Variants in BORCS5 observed in about 807,000 individuals in gnomAD.
BORCS5 encodes the protein BLOC-1 related complex subunit 5.
A neutral mutation model predicts 22.1 loss-of-function variants in BORCS5; 17 were observed. The ratio of observed to expected loss-of-function variants is 0.77; its 90% CI spans 0.53 to 1.15. BORCS5 has a LOEUF of 1.15. BORCS5 is among the 50% of genes most tolerant of loss of function. The pLI, the probability that BORCS5 is intolerant of heterozygous loss-of-function variation, is 0.00. For synonymous variants in BORCS5, 117 were observed against 99.8 expected (o/e 1.17, Z -1.03); for missense variants, 247 against 253.2 (o/e 0.98, Z 0.17).
intron 2 of BORCS5, among the ~76,000 whole-genome samples, chr12:12,366,389 ATTCT>A (rs773256266): frequency 1.2e-4 from 19 of 152,344 alleles, no homozygotes; most frequent in Admixed American, 4.6e-4. Context: ...AAGCAAGCAG[ATTCT>A]TTCTTTGGCC....
chr12:12,413,712 A>G (rs1470590683), intron 2 of BORCS5, among the ~76,000 whole-genome samples: 3 of 90,550 alleles, frequency 3.3e-5, no homozygotes, highest in South Asian at 7.7e-4. Context: ...CGGGGGGCTG[A>G]CCCCCCCACC....
Position 12,465,756 on chromosome 12 carries a change from G to T in BORCS5, c.571G>T (p.Asp191Tyr), listed in dbSNP as rs3751262. ...GCTGGAGCCCTTCAGCATGAAGCCC[G>T]ACCGCGAGCTCAGGCTGTAGCTGCT... ...ERLEPFSMKP[D>Y]RELRL The change falls in exon 4 of 4, where the codon GAC becomes TAC. Residue 191 changes from aspartate (D) to tyrosine (Y), a missense_variant. Coordinates refer to ENST00000314565, the MANE Select transcript of BORCS5 (RefSeq NM_058169.6). 469 of 1,612,974 alleles carry T rather than the reference G, an allele frequency of 2.9e-4. 1 individual carries two copies. The highest frequency in any genetic ancestry group is 6.6e-4 in the Middle Eastern group (4 of 6,046).
chr12:12,431,403 C>CTTTTTTTTTTTTTTTT (rs386375632), intron 2 of BORCS5, among the ~76,000 whole-genome samples: 4 of 121,098 alleles, frequency 3.3e-5, no homozygotes, highest in Non-Finnish European at 6.6e-5. Context: ...TTTGCTAATT[C>CTTTTTTTTTTTTTTTT]TTTTTTTTTT....
At position 12,471,090 on chromosome 12, in the gene BORCS5, G is replaced by A. The variant is rs747507640; in HGVS notation, c.*5314G>A. On this transcript the variant is annotated 3_prime_UTR_variant, in exon 4 of 4. Coordinates refer to ENST00000314565, the MANE Select transcript of BORCS5 (RefSeq NM_058169.6). The stretch of plus-strand genomic sequence containing the variant: ...ATTTGCCTGTCACATTGCTTCTACC[G>A]GCCACATCCTGCATTTCCTGTGGGA... Among the ~76,000 whole-genome samples, 14 of 152,054 alleles carry A rather than the reference G, an allele frequency of 9.2e-5. No individual in the cohort carries two copies. Among genetic ancestry groups the A allele is most frequent in the Non-Finnish European group, 1.6e-4 (11 of 68,016 alleles).
At chr12:12,412,202 C>T (rs1941753466) in intron 2 of BORCS5, among the ~76,000 whole-genome samples, 1 of 152,118 alleles carries the variant, frequency 6.6e-6, no homozygotes. Flanking sequence ...CTGTAAATCA[C>T]TTTTGGTAAT....
Position 12,357,129 on chromosome 12 carries a change from G to C in BORCS5, c.-323G>C, listed in dbSNP as rs750638872. 76 of 1,533,930 alleles carry C rather than the reference G, an allele frequency of 5.0e-5. No individual in the cohort carries two copies. The highest frequency in any genetic ancestry group is 3.9e-5 in the Admixed American group (2 of 50,830). On this transcript the variant is annotated 5_prime_UTR_variant, in exon 1 of 4. Transcript: ENST00000314565. Reference sequence around the variant, plus strand: ...GCGGAGCGTGAACCAGTGAGTGAAAGCGGCGCCGCCCGCCGGCCGCAGGTG... The same window carrying C: ...GCGGAGCGTGAACCAGTGAGTGAAACCGGCGCCGCCCGCCGGCCGCAGGTG...
At chr12:12,375,935 G>T (rs934165377) in intron 2 of BORCS5, among the ~76,000 whole-genome samples, 1 of 151,940 alleles carries the variant, frequency 6.6e-6, no homozygotes, top group Non-Finnish European at 1.5e-5. Flanking sequence ...CTCCCGAGTA[G>T]CTGGGATTCT....
intron 2 of BORCS5, among the ~76,000 whole-genome samples, chr12:12,407,262 A>G (rs1941614762): frequency 6.6e-6 from 1 of 152,198 alleles, no homozygotes; most frequent in Admixed American, 6.5e-5. Flanking sequence ...TTACAAACAT[A>G]AAATTTTCAG....
chr12:12,416,729 G>T (rs1941968265), intron 2 of BORCS5, among the ~76,000 whole-genome samples: 1 of 151,708 alleles, frequency 6.6e-6, no homozygotes, highest in Non-Finnish European at 1.5e-5. Context: ...CTGAGTAGAT[G>T]GGATTATAGA....
chr12:12,377,753 G>T (rs906507890), intron 2 of BORCS5, among the ~76,000 whole-genome samples: 1 of 152,114 alleles, frequency 6.6e-6, no homozygotes, highest in African/African-American at 2.4e-5. Context: ...GAGAGCTAGC[G>T]GTAGTGATCA....
intron 2 of BORCS5, among the ~76,000 whole-genome samples, chr12:12,412,660 A>C (rs922159047): frequency 6.6e-6 from 1 of 152,102 alleles, no homozygotes; most frequent in South Asian, 2.1e-4. Flanking sequence ...ATTATGTTGA[A>C]TAGAAGTGGT....
At position 12,470,596 on chromosome 12, in the gene BORCS5, A is replaced by T. The variant is rs552166121; in HGVS notation, c.*4820A>T. On this transcript the variant is annotated 3_prime_UTR_variant, in exon 4 of 4. Coordinates refer to ENST00000314565, the MANE Select transcript of BORCS5 (RefSeq NM_058169.6). ...TCCCCCTGCTTCCCTGTCTGTAGAA[A>T]AATTGTCTTCTATGAAATGGGTCCC... is the stretch of plus-strand genomic sequence containing the variant. Among the ~76,000 whole-genome samples the T allele has an allele frequency of 1.6e-4, 25 of 152,136 alleles. No homozygotes were observed. The South Asian group carries it at 5.0e-3, about 30-fold the overall frequency.
In BORCS5 at chr12:12,361,225, G is replaced by T; in HGVS notation, c.78G>T (p.Lys26Asn). ...TTTCAGTGACTCCTTCACCAGCCAAGCATAGAGCCAAGATGGATGATATTG... is the reference window on the plus strand; with the variant it reads ...TTTCAGTGACTCCTTCACCAGCCAATCATAGAGCCAAGATGGATGATATTG... ...LNSSVTPSPA[K>N]HRAKMDDIVV... is the part of the protein sequence containing the mutation. Residue 26 changes from lysine to asparagine, a missense_variant, in exon 2 of 4, where the codon AAG becomes AAT. Transcript: ENST00000314565. 1 of 1,614,128 alleles carries T rather than the reference G, an allele frequency of 6.2e-7. No homozygotes were observed. The highest frequency in any genetic ancestry group is 8.5e-7 in the Non-Finnish European group (1 of 1,180,006).
intron 3 of BORCS5, among the ~76,000 whole-genome samples, chr12:12,450,870 A>G (rs1453086220): frequency 6.6e-6 from 1 of 152,060 alleles, no homozygotes; most frequent in Non-Finnish European, 1.5e-5. Flanking sequence ...TAAACTGCAC[A>G]GTACAGTATC....
chr12:12,467,109 A>C lies in BORCS5; in HGVS notation c.*1333A>C, dbSNP rs1053533837. 4 of 152,208 alleles carry C rather than the reference A, an allele frequency of 2.6e-5. No individual in the cohort carries two copies. Among genetic ancestry groups the C allele is most frequent in the Non-Finnish European group, 5.9e-5 (4 of 68,036 alleles). 9.4% of individuals were successfully genotyped at this position (152,208 alleles called of 1,614,324 possible). A position where few individuals can be genotyped will look rare whatever the true frequency, so the allele number is the denominator to read the frequency against. On this transcript the variant is annotated 3_prime_UTR_variant, in exon 4 of 4. Transcript: ENST00000314565. ...AAATCCAGCTAATTAAAAAAAATTA[A>C]TTAATTTTACATTTTCAAATTCAAA... is the stretch of plus-strand genomic sequence containing the variant.
intron 2 of BORCS5, among the ~76,000 whole-genome samples, chr12:12,373,672 A>T (rs1040463781): frequency 6.6e-6 from 1 of 152,216 alleles, no homozygotes; most frequent in African/African-American, 2.4e-5. Context: ...CATTTCTGCA[A>T]CATATTGATA....
chr12:12,364,008 C>T (rs946836546), intron 2 of BORCS5, among the ~76,000 whole-genome samples: 1 of 152,094 alleles, frequency 6.6e-6, no homozygotes, highest in Non-Finnish European at 1.5e-5. Flanking sequence ...ATTAACACAT[C>T]TTTTGTGTTA....
chr12:12,434,886 A>G (rs1221759927), intron 2 of BORCS5, among the ~76,000 whole-genome samples: 3 of 152,234 alleles, frequency 2.0e-5, no homozygotes, highest in East Asian at 3.8e-4. Context: ...GCAGAAAGCA[A>G]TAGGCTTAAT....
chr12:12,413,544 A>G (rs1384455140), intron 2 of BORCS5, among the ~76,000 whole-genome samples: 1 of 145,110 alleles, frequency 6.9e-6, no homozygotes. Flanking sequence ...CTGCCTTTCT[A>G]TTCCACAAAA....
Sources: allele counts gnomAD v4.1 joint callset (sites outside exome capture counted in the v4.1 genomes callset), GRCh38; gene constraint gnomAD v4.1.1; transcripts MANE v1.5; gene names NCBI Gene and HGNC (gene_info 2026-07-23, HGNC 2026-07-21).